The following CEP44 variants were observed in gnomAD, a reference collection of about 807,000 sequenced individuals.
CEP44 encodes centrosomal protein 44.
A neutral mutation model predicts 46.7 loss-of-function variants in CEP44; 45 were observed. The ratio of observed to expected loss-of-function variants is 0.96; its 90% CI spans 0.76 to 1.24. The LOEUF is 1.24. Ranked by LOEUF, CEP44 falls within the 50% of genes most tolerant of loss-of-function variation. CEP44 has a pLI of 0.00. For synonymous variants in CEP44, 142 were observed against 146.0 expected (o/e 0.97, Z 0.20); for missense variants, 475 against 459.7 (o/e 1.03, Z -0.30).
rs1421585902 is a variant in CEP44, at chr4:174,288,195, T to C, written c.-148+4252T>C. Among the ~76,000 whole-genome samples the C allele has an allele frequency of 6.6e-6, 1 of 152,212 alleles. No individual in the cohort carries two copies. The highest frequency in any genetic ancestry group is 1.5e-5 in the Non-Finnish European group (1 of 68,030). On this transcript the variant is annotated intron_variant, in intron 1 of 11. Coordinates refer to ENST00000503780, the MANE Select transcript of CEP44 (RefSeq NM_001040157.3). The surrounding 1 kb of genome is among the most constrained non-coding windows in gnomAD (Gnocchi z 4.6). ...GTTTCTGTTTGGAGATAAGTAGATA[T>C]TGTGAAACCATCCAACCATTATTAC...
chr4:174,330,208 G>A (rs1731243512), intron 8 of CEP44, among the ~76,000 whole-genome samples: 1 of 151,898 alleles, frequency 6.6e-6, no homozygotes, highest in African/African-American at 2.4e-5. Context: ...ATGAAGATTG[G>A]CTGGGTGCAG....
rs114948522 is a variant in CEP44, at chr4:174,314,952, A to C, written c.962-1214A>C. Reference sequence around the variant, plus strand: ...TCTTAGCATTTGGAATTAGGACACCACGAGTTAGTTAGTCAAATGATATTG... The same window carrying C: ...TCTTAGCATTTGGAATTAGGACACCCCGAGTTAGTTAGTCAAATGATATTG... On this transcript the variant is annotated intron_variant, in intron 9 of 11. Coordinates refer to ENST00000503780, the MANE Select transcript of CEP44 (RefSeq NM_001040157.3). The surrounding 1 kb of genome is among the most constrained non-coding windows in gnomAD (Gnocchi z 4.1). 6.3e-3 allele frequency among the ~76,000 whole-genome samples: 955 copies of C among 152,280 alleles called. 9 individuals carry two copies. Among genetic ancestry groups the C allele is most frequent in the African/African-American group, 0.021 (892 of 41,542 alleles).
chr4:174,294,781 C>T (rs551850499), intron 1 of CEP44, among the ~76,000 whole-genome samples: 1,615 of 140,090 alleles, frequency 0.012, 15 homozygotes, highest in Middle Eastern at 0.032. Flanking sequence ...CCCTCCCGGA[C>T]GGTGCGGCTG....
At position 174,310,143 on chromosome 4, in the gene CEP44, C is replaced by G. The variant is rs561778304; in HGVS notation, c.885+87C>G. On this transcript the variant is annotated intron_variant, in intron 8 of 11. Transcript: ENST00000503780. This position sits in a 1 kb window ranked among gnomAD's most constrained non-coding sequence, Gnocchi z 4.2. ...TTATATGTGTATTTTTTTGGAAATG[C>G]TAAATATGAGAATATTTGAATAATG... is the stretch of plus-strand genomic sequence containing the variant. The G allele has an allele frequency of 1.7e-6, 2 of 1,182,240 alleles. No individual in the cohort carries two copies. The highest frequency in any genetic ancestry group is 1.6e-5 in the South Asian group (1 of 63,712). 73.2% of individuals were successfully genotyped at this position (1,182,240 alleles called of 1,614,324 possible). A position where few individuals can be genotyped will look rare whatever the true frequency, so the allele number is the denominator to read the frequency against.
At chr4:174,293,432 TG>T (rs1214395886) in intron 1 of CEP44, among the ~76,000 whole-genome samples, 10 of 152,208 alleles carry the variant, frequency 6.6e-5, no homozygotes, top group Admixed American at 1.3e-4. Flanking sequence ...GGACAAGGGC[TG>T]GGGAGGTCCT....
rs1742066231 is a variant in CEP44 at position 174,319,210 on chromosome 4, C to A, written c.*1827C>A. 1.0e-6 allele frequency: 1 copy of A among 971,276 alleles called. No individual in the cohort carries two copies. Among genetic ancestry groups the A allele is most frequent in the Non-Finnish European group, 1.2e-6 (1 of 817,122 alleles). 60.2% of individuals were successfully genotyped at this position (971,276 alleles called of 1,614,324 possible). A position where few individuals can be genotyped will look rare whatever the true frequency, so the allele number is the denominator to read the frequency against. Reference sequence around the variant, plus strand: ...TTAACAGAGTTTCAGTAAATATTTCCAGAATTAATGAAGCATGTTAGCTTT... The same window carrying A: ...TTAACAGAGTTTCAGTAAATATTTCAAGAATTAATGAAGCATGTTAGCTTT... On this transcript the variant is annotated 3_prime_UTR_variant, in exon 12 of 12. Coordinates refer to ENST00000503780, the MANE Select transcript of CEP44 (RefSeq NM_001040157.3).
intron 9 of CEP44, among the ~76,000 whole-genome samples, chr4:174,313,033 C>A (rs943516902): frequency 6.6e-6 from 1 of 151,956 alleles, no homozygotes; most frequent in African/African-American, 2.4e-5. Context: ...GCAAGGGCTA[C>A]GGGTGCTGTC....
intron 3 of CEP44, 102 bp downstream of exon 3, chr4:174,299,312 C>G (rs1560897246): frequency 2.3e-6 from 2 of 863,452 alleles, no homozygotes; most frequent in African/African-American, 3.5e-5. Flanking sequence ...TTACCTGGTT[C>G]CTATTTAAAT....
chr4:174,324,780 C>G (rs887172538), downstream of CEP44, among the ~76,000 whole-genome samples: 8 of 152,086 alleles, frequency 5.3e-5, no homozygotes, highest in African/African-American at 1.9e-4. Context: ...TCCATGCCAG[C>G]TGTGAAATTG....
chr4:174,320,788 A>G (rs1204573780), downstream of CEP44, among the ~76,000 whole-genome samples: 1 of 151,920 alleles, frequency 6.6e-6, no homozygotes, highest in Non-Finnish European at 1.5e-5. Flanking sequence ...TAAGCAGCAG[A>G]ATATGATAAC....
chr4:174,319,111 T>G lies in CEP44; in HGVS notation c.*1728T>G. ...GGGTGAGTCACCATGCTTGGCCACA[T>G]TTTTAGTATTCTAATAAACAGTTGG... On this transcript the variant is annotated 3_prime_UTR_variant, in exon 12 of 12. Coordinates refer to ENST00000503780, the MANE Select transcript of CEP44 (RefSeq NM_001040157.3). 6.1e-6 allele frequency: 6 copies of G among 984,274 alleles called. No homozygotes were observed. Among genetic ancestry groups the G allele is most frequent in the Non-Finnish European group, 7.2e-6 (6 of 828,868 alleles). The allele number at this position is 984,274 out of a possible 1,614,324, so 61.0% of individuals were successfully genotyped here. A position where few individuals can be genotyped will look rare whatever the true frequency, so the allele number is the denominator to read the frequency against.
At chr4:174,302,645 G>T (rs1380206234) in intron 4 of CEP44, among the ~76,000 whole-genome samples, 2 of 151,610 alleles carry the variant, frequency 1.3e-5, no homozygotes, top group Admixed American at 1.3e-4. Context: ...ATTTATACTT[G>T]TACTATGTGT....
rs1485959230 is a variant in CEP44, at chr4:174,301,958, A to G, written c.90-81A>G. 1 of 1,205,072 alleles carries G rather than the reference A, an allele frequency of 8.3e-7. No homozygotes were observed. The highest frequency in any genetic ancestry group is 1.2e-6 in the Non-Finnish European group (1 of 869,214). The allele number at this position is 1,205,072 out of a possible 1,614,324, so 74.6% of individuals were successfully genotyped here. On this transcript the variant is annotated intron_variant, in intron 3 of 11. Transcript: ENST00000503780. This position sits in a 1 kb window ranked among gnomAD's most constrained non-coding sequence, Gnocchi z 4.3. ...GTTTTAAATTATTATAAACATTTCT[A>G]ATATTTTCTTGATTATCCAACTTTG...
intron 3 of CEP44, among the ~76,000 whole-genome samples, chr4:174,300,951 T>A (rs1177737283): frequency 6.7e-6 from 1 of 150,204 alleles, no homozygotes; most frequent in Non-Finnish European, 1.5e-5. Flanking sequence ...TTCAAAGGTA[T>A]TTTTTTTTTC....
intron 8 of CEP44, among the ~76,000 whole-genome samples, chr4:174,328,359 TAACTC>T (rs1056026338): frequency 5.6e-4 from 86 of 152,348 alleles, no homozygotes; most frequent in African/African-American, 1.4e-3. Context: ...GTCCAGAAGA[TAACTC>T]AATATAGATA....
rs1740991785 is a variant in CEP44 at position 174,310,790 on chromosome 4, A to T, written c.893A>T (p.Glu298Val). Residue 298 changes from glutamate to valine, a missense_variant, in exon 9 of 12, where the codon GAA (glutamate) becomes GTA (valine). Transcript: ENST00000503780. This position sits in a 1 kb window ranked among gnomAD's most constrained non-coding sequence, Gnocchi z 4.2. ...TEMLLSKKNDEFIEFNEVSED... is the reference protein window; with the variant it reads ...TEMLLSKKNDVFIEFNEVSED... ...TTAACTGTGTTATTCCAGAATGATG[A>T]ATTTATAGAGTTTAATGAAGTTAGT... 7.0e-7 allele frequency: 1 copy of T among 1,433,012 alleles called. No homozygotes were observed. The highest frequency in any genetic ancestry group is 9.7e-7 in the Non-Finnish European group (1 of 1,034,990). The allele number at this position is 1,433,012 out of a possible 1,614,324, so 88.8% of individuals were successfully genotyped here.
At chr4:174,323,793 C>T (rs1018368385), downstream of CEP44, among the ~76,000 whole-genome samples, 1 of 152,054 alleles carries the variant, frequency 6.6e-6, no homozygotes, top group African/African-American at 2.4e-5. Context: ...CAAAAGGGCA[C>T]TCATTGGGCA....
At chr4:174,320,492 T>G (rs1255256681), downstream of CEP44, among the ~76,000 whole-genome samples, 1 of 17,062 alleles carries the variant, frequency 5.9e-5, no homozygotes, top group African/African-American at 2.1e-4. Context: ...GTCCCCAGGT[T>G]TGTCTCCTTT....
chr4:174,292,600 C>G (rs2126519435), intron 1 of CEP44, among the ~76,000 whole-genome samples: 1 of 152,114 alleles, frequency 6.6e-6, no homozygotes, highest in East Asian at 1.9e-4. Flanking sequence ...TTTCATATGA[C>G]CGGTGTTCAG....
Sources: gnomAD v4.1 joint callset for allele counts (sites outside exome capture counted in the v4.1 genomes callset) on GRCh38, gnomAD v4.1.1 for gene constraint, Gnocchi (gnomAD v3.1) non-coding constraint, MANE v1.5 for transcripts, NCBI Gene and HGNC (gene_info 2026-07-23, HGNC 2026-07-21) for gene names.